The following C9 variants were observed in gnomAD, a reference collection of about 807,000 sequenced individuals.
The protein encoded by C9 is complement C9.
C9 carries 63 observed loss-of-function variants against 65.4 expected under a neutral mutation model. That is an observed-to-expected ratio of 0.96 (90% CI 0.79 to 1.19). The LOEUF is 1.19. Among genes scored for constraint, C9 ranks in the 50% most tolerant of loss-of-function variants. The pLI, the probability that C9 is intolerant of heterozygous loss-of-function variation, is 0.00. For missense variants in C9, 744 were observed against 670.1 expected, an observed-to-expected ratio of 1.11 and a Z score of -1.22; for synonymous variants, 229 against 227.9, an observed-to-expected ratio of 1.00 and a Z score of -0.04.
At chr5:39,328,163 T>C (rs1385626590) in intron 5 of C9, among the ~76,000 whole-genome samples, 2 of 152,188 alleles carry the variant, frequency 1.3e-5, no homozygotes, top group Non-Finnish European at 2.9e-5. Flanking sequence ...AACTTCCTAC[T>C]GAGAGAATAG....
intron 2 of C9, 135 bp from the exon 3 acceptor site, chr5:39,341,835 T>C (rs915822124): frequency 6.9e-6 from 6 of 870,954 alleles, no homozygotes; most frequent in Non-Finnish European, 1.1e-5. Context: ...AAGTCACTGA[T>C]GTTATTTAGG....
chr5:39,343,725 C>T (rs1001542592), intron 1 of C9, among the ~76,000 whole-genome samples: 9 of 152,202 alleles, frequency 5.9e-5, no homozygotes, highest in Non-Finnish European at 2.9e-5. Context: ...CAGACTGCCT[C>T]CTCAAGTGGG....
chr5:39,288,750 C>T lies in C9; in HGVS notation c.1618G>A (p.Glu540Lys). 1 of 1,610,918 alleles carries T rather than the reference C, an allele frequency of 6.2e-7. No individual in the cohort carries two copies. Among genetic ancestry groups the T allele is most frequent in the Non-Finnish European group, 8.5e-7 (1 of 1,177,576 alleles). Reference protein sequence around the residue: ...CPFKFEGIACEISKQKISEGL... With the variant: ...CPFKFEGIACKISKQKISEGL... ...TCAGAAATTTTTTGTTTACTGATTTCACAGGCAATTCCCTCAAATTTGAAT... is the reference window on the plus strand; with the variant it reads ...TCAGAAATTTTTTGTTTACTGATTTTACAGGCAATTCCCTCAAATTTGAAT... Residue 540 changes from glutamate (E) to lysine (K), a missense_variant, in exon 10 of 11, where the codon GAA (glutamate) becomes AAA (lysine). Coordinates refer to ENST00000263408, the MANE Select transcript of C9 (RefSeq NM_001737.5).
chr5:39,309,676 A>G (rs1043193043), intron 7 of C9, among the ~76,000 whole-genome samples: 1 of 152,184 alleles, frequency 6.6e-6, no homozygotes, highest in African/African-American at 2.4e-5. Context: ...ATGTCCAGAC[A>G]TCTTAAATTG....
chr5:39,350,075 T>A lies in C9; in HGVS notation c.78-7879A>T, dbSNP rs192968933. Among the ~76,000 whole-genome samples the A allele has an allele frequency of 2.4e-4, 36 of 152,214 alleles. 1 individual carries two copies. Among genetic ancestry groups the A allele is most frequent in the African/African-American group, 8.7e-4 (36 of 41,516 alleles). ...GATTGACTCACAGTTCCACAGGCTG[T>A]ATGGGAGGCATGACTGGGAAGGTCT... On this transcript the variant is annotated intron_variant, in intron 1 of 10. Transcript: ENST00000263408.
chr5:39,285,094 T>C lies in C9; in HGVS notation c.*105A>G, dbSNP rs776408640. ...ACTTCAGAGGTTGGTAGGATTTTCATGAAGCATGTTGCTATTTACTTGGCA... is the reference window on the plus strand; with the variant it reads ...ACTTCAGAGGTTGGTAGGATTTTCACGAAGCATGTTGCTATTTACTTGGCA... On this transcript the variant is annotated 3_prime_UTR_variant, in exon 11 of 11. Transcript: ENST00000263408. 5 of 932,914 alleles carry C rather than the reference T, an allele frequency of 5.4e-6. No individual in the cohort carries two copies. The highest frequency in any genetic ancestry group is 2.4e-5 in the East Asian group (1 of 41,746). The allele number at this position is 932,914 out of a possible 1,614,324, so 57.8% of individuals were successfully genotyped here.
intron 1 of C9, among the ~76,000 whole-genome samples, chr5:39,345,082 G>C (rs928123989): frequency 4.6e-5 from 7 of 151,880 alleles, no homozygotes; most frequent in African/African-American, 1.7e-4. Context: ...AAATTGTAAA[G>C]ATCATCAATG....
In C9 at chr5:39,284,644, A is replaced by G. The variant is rs1381780798; in HGVS notation, c.*555T>C. On this transcript the variant is annotated 3_prime_UTR_variant, in exon 11 of 11. Transcript: ENST00000263408. ...AGTAGTTTTTGGTTACAAATATAAT[A>G]TGTTTTCCCCCTTGGACACATGGAT... 1.3e-5 allele frequency: 2 copies of G among 152,500 alleles called. No homozygotes were observed. The highest frequency in any genetic ancestry group is 1.9e-4 in the East Asian group (1 of 5,202). The allele number at this position is 152,500 out of a possible 1,614,324, so 9.4% of individuals were successfully genotyped here.
chr5:39,354,422 A>C (rs1411745670), intron 1 of C9, among the ~76,000 whole-genome samples: 2 of 152,222 alleles, frequency 1.3e-5, no homozygotes, highest in African/African-American at 2.4e-5. Flanking sequence ...TCTAGGCATC[A>C]ATGTTTTTAA....
At chr5:39,342,905 T>G (rs1464644709) in intron 1 of C9, among the ~76,000 whole-genome samples, 1 of 152,140 alleles carries the variant, frequency 6.6e-6, no homozygotes. Context: ...TTGAGTCTCT[T>G]CTGGTTGAAA....
At chr5:39,293,966 A>C (rs1753140808) in intron 9 of C9, among the ~76,000 whole-genome samples, 2 of 152,004 alleles carry the variant, frequency 1.3e-5, no homozygotes, top group South Asian at 4.1e-4. Context: ...CATTAAATCA[A>C]TTAAGAGATT....
chr5:39,362,820 G>A lies in C9; in HGVS notation c.77+1568C>T, dbSNP rs113112950. On this transcript the variant is annotated intron_variant, in intron 1 of 10. Transcript: ENST00000263408. ...ACACTCTGTTTTGACCTCAACCCCC[G>A]TCAAAGGGCAAAGCACAGAGCATTC... is the stretch of plus-strand genomic sequence containing the variant. Among the ~76,000 whole-genome samples, 12 of 152,232 alleles carry A rather than the reference G, an allele frequency of 7.9e-5. 1 individual carries two copies. Among genetic ancestry groups the A allele is most frequent in the African/African-American group, 2.2e-4 (9 of 41,532 alleles).
intron 1 of C9, among the ~76,000 whole-genome samples, chr5:39,358,988 A>AAAAT (rs1221889709): frequency 0.028 from 3,692 of 132,838 alleles, 59 homozygotes; most frequent in Non-Finnish European, 0.042. Context: ...CCATCTCAAA[A>AAAAT]AAATAAATAA....
At chr5:39,290,392 AG>A (rs760957175) in intron 9 of C9, among the ~76,000 whole-genome samples, 9 of 151,836 alleles carry the variant, frequency 5.9e-5, no homozygotes, top group Non-Finnish European at 1.5e-5. Context: ...TTGGTGGCAG[AG>A]CACTTTAAAA....
At chr5:39,304,865 G>A (rs1296435994) in intron 9 of C9, among the ~76,000 whole-genome samples, 2 of 152,134 alleles carry the variant, frequency 1.3e-5, no homozygotes, top group East Asian at 1.9e-4. Context: ...AAGTTGATGA[G>A]GGTCTTTGAA....
chr5:39,345,408 G>C (rs1349111100), intron 1 of C9, among the ~76,000 whole-genome samples: 2 of 152,114 alleles, frequency 1.3e-5, no homozygotes, highest in East Asian at 3.9e-4. Context: ...AACCAAAAAA[G>C]ATCAAAAGAG....
At position 39,331,783 on chromosome 5, in the gene C9, T is replaced by C. The variant is rs765979000; in HGVS notation, c.508A>G (p.Thr170Ala). Residue 170 changes from threonine (T) to alanine (A), a missense_variant, in exon 5 of 11, where the codon ACA (threonine) becomes GCA (alanine). Transcript: ENST00000263408. ...TTGTAGAACTCATTGTCAAAAGGTG[T>C]GCTTAGGGGATCCATCCCTAAAATG... ...INILGMDPLS[T>A]PFDNEFYNGL... The C allele has an allele frequency of 6.2e-7, 1 of 1,613,316 alleles. No homozygotes were observed.
intron 4 of C9, among the ~76,000 whole-genome samples, chr5:39,333,008 T>C (rs896694220): frequency 2.6e-5 from 4 of 152,198 alleles, no homozygotes; most frequent in African/African-American, 4.8e-5. Flanking sequence ...GGCTGACATA[T>C]AGATAAAATT....
rs759272189 is a variant in C9, at chr5:39,331,785, C to T, written c.506G>A (p.Ser169Asn). The T allele has an allele frequency of 1.1e-5, 17 of 1,613,268 alleles. No homozygotes were observed. In the East Asian group the frequency reaches 3.6e-4, roughly 34 times the overall value. Reference protein sequence around the residue: ...GINILGMDPLSTPFDNEFYNG... With the variant: ...GINILGMDPLNTPFDNEFYNG... The stretch of plus-strand genomic sequence containing the variant: ...GTAGAACTCATTGTCAAAAGGTGTG[C>T]TTAGGGGATCCATCCCTAAAATGTT... The change falls in exon 5 of 11, where the codon AGC (serine) becomes AAC (asparagine). Residue 169 changes from serine (S) to asparagine (N), a missense_variant. Transcript: ENST00000263408.
Sources: allele counts gnomAD v4.1 joint callset (sites outside exome capture counted in the v4.1 genomes callset), GRCh38; gene constraint gnomAD v4.1.1; transcripts MANE v1.5; gene names NCBI Gene and HGNC (gene_info 2026-07-23, HGNC 2026-07-21).